PCDHGB1: variants seen among roughly 807,000 people sequenced by gnomAD.
PCDHGB1 encodes the protein protocadherin gamma subfamily B, 1.
Under a neutral mutation model 56.6 loss-of-function variants are expected in PCDHGB1, and 34 were observed. That is an observed-to-expected ratio of 0.60 (90% CI 0.46 to 0.80). PCDHGB1 has a LOEUF of 0.80. Ranked by LOEUF, PCDHGB1 falls within the 30% of genes least tolerant of loss-of-function variation. The probability of loss-of-function intolerance (pLI) is 0.00; values close to 1 mark genes in which losing one functional copy is unlikely to be tolerated. For synonymous variants in PCDHGB1, 561 were observed against 505.9 expected, an observed-to-expected ratio of 1.11 and a Z score of -1.46; for missense variants, 1,278 against 1,204.6, an observed-to-expected ratio of 1.06 and a Z score of -0.90.
chr5:141,464,048 T>C (rs377735829), intron 1 of PCDHGB1, among the ~76,000 whole-genome samples: 1 of 152,260 alleles, frequency 6.6e-6, no homozygotes, highest in South Asian at 2.1e-4. Context: ...GTGGATCACC[T>C]GAGGTCAGGA....
intron 1 of PCDHGB1, chr5:141,428,335 T>G (rs535486665): frequency 3.3e-6 from 2 of 615,106 alleles, no homozygotes; most frequent in East Asian, 5.9e-5. Context: ...TTCTATGCTC[T>G]TCTTCCTCGC....
chr5:141,374,723 G>T (rs771753373), intron 1 of PCDHGB1: 1 of 1,609,998 alleles, frequency 6.2e-7, no homozygotes, highest in South Asian at 1.1e-5. Context: ...GGTCCTTACT[G>T]CCATGGATGG....
At position 141,389,566 on chromosome 5, in the gene PCDHGB1, T is replaced by A. The variant is rs757362223; in HGVS notation, c.2409+36897T>A. On this transcript the variant is annotated intron_variant, in intron 1 of 3. Transcript: ENST00000523390. ...CGCAACGACAATGCGCCACGGGTGC[T>A]GTACCCCGCGCTGGGTCCCGACGGC... The A allele has an allele frequency of 3.2e-5, 52 of 1,613,278 alleles. No homozygotes were observed. The Middle Eastern group carries it at 6.6e-4, about 21-fold the overall frequency.
chr5:141,425,836 C>T (rs568578402), intron 1 of PCDHGB1, among the ~76,000 whole-genome samples: 1 of 152,344 alleles, frequency 6.6e-6, no homozygotes, highest in East Asian at 1.9e-4. Context: ...TTTAAATTCT[C>T]TTTGCTGGGT....
chr5:141,421,515 C>A, intron 1 of PCDHGB1: 3 of 1,614,080 alleles, frequency 1.9e-6, no homozygotes, highest in Non-Finnish European at 2.5e-6. Context: ...GGGAGGAGCT[C>A]TGTGAGACGG....
chr5:141,449,804 T>C (rs991937787), intron 1 of PCDHGB1, among the ~76,000 whole-genome samples: 2 of 151,676 alleles, frequency 1.3e-5, no homozygotes, highest in Non-Finnish European at 2.9e-5. Flanking sequence ...AAATACCTCA[T>C]TGTGTATTTC....
intron 1 of PCDHGB1, chr5:141,418,530 G>A (rs370822103): frequency 5.0e-6 from 8 of 1,613,834 alleles, no homozygotes; most frequent in Non-Finnish European, 6.8e-6. Context: ...CCCCGAAGCG[G>A]TACTGCTCAG....
At position 141,352,649 on chromosome 5, in the gene PCDHGB1, G is replaced by T; in HGVS notation, c.2389G>T (p.Asp797Tyr). 1 of 1,604,100 alleles carries T rather than the reference G, an allele frequency of 6.2e-7. No individual in the cohort carries two copies. The highest frequency in any genetic ancestry group is 1.1e-5 in the South Asian group (1 of 90,010). Residue 797 changes from aspartate (D) to tyrosine (Y), a missense_variant, in exon 1 of 4, where the codon GAC (aspartate) becomes TAC (tyrosine). Physicochemically the swap from Asp to Tyr is radical, Grantham distance 160. Transcript: ENST00000523390. Reference protein sequence around the residue: ...ASNEDHKIAYDPSLSSHQAPP... With the variant: ...ASNEDHKIAYYPSLSSHQAPP... ...TAATGAAGATCACAAAATCGCTTAT[G>T]ACCCTTCTTTGTCTTCGCACGTGAG...
intron 1 of PCDHGB1, chr5:141,396,003 T>G (rs749303972): frequency 2.0e-5 from 3 of 152,232 alleles, no homozygotes; most frequent in Admixed American, 6.5e-5. Flanking sequence ...TTTAAACTGT[T>G]GAAAGTGACT....
At chr5:141,355,881 G>T (rs1338727421) in intron 1 of PCDHGB1, 18 of 1,613,360 alleles carry the variant, frequency 1.1e-5, no homozygotes, top group Non-Finnish European at 1.5e-5. Context: ...GCACTGCCAG[G>T]ATTCTCATAA....
At chr5:141,421,318 C>A (rs370020854) in intron 1 of PCDHGB1, 1 of 1,613,822 alleles carries the variant, frequency 6.2e-7, no homozygotes. Context: ...CCGGGCCAGG[C>A]AGATCCGATA....
At chr5:141,384,650 C>G (rs1213467381) in intron 1 of PCDHGB1, 4 of 1,614,222 alleles carry the variant, frequency 2.5e-6, no homozygotes, top group Non-Finnish European at 3.4e-6. Context: ...TCCGCAGAGC[C>G]CGGCTACCTG....
At chr5:141,392,799 T>A in intron 1 of PCDHGB1, 1 of 1,570,210 alleles carries the variant, frequency 6.4e-7, no homozygotes, top group Non-Finnish European at 8.6e-7. Flanking sequence ...GAGAGGATTC[T>A]GCAGCAAAAC....
chr5:141,434,838 A>G (rs1363952147), intron 1 of PCDHGB1, among the ~76,000 whole-genome samples: 1 of 152,022 alleles, frequency 6.6e-6, no homozygotes, highest in Non-Finnish European at 1.5e-5. Context: ...GGCATTTATA[A>G]AGCAGACATC....
intron 1 of PCDHGB1, chr5:141,370,659 C>A: frequency 6.2e-7 from 1 of 1,613,780 alleles, no homozygotes; most frequent in Admixed American, 1.7e-5. Context: ...TGTGAGCGAC[C>A]GTATAGACCG....
rs1419985074 is a variant in PCDHGB1, at chr5:141,431,009, T to C, written c.2410-63798T>C. On this transcript the variant is annotated intron_variant, in intron 1 of 3. Transcript: ENST00000523390. The surrounding 1 kb of genome is among the most constrained non-coding windows in gnomAD (Gnocchi z 4.8). ...CGCCCTGAATCCGCGCAGCGGCAGC[T>C]TGGTCACGGCGGGCAGGATAGACCG... The C allele has an allele frequency of 3.7e-6, 6 of 1,613,884 alleles. No individual in the cohort carries two copies. Among genetic ancestry groups the C allele is most frequent in the Non-Finnish European group, 5.1e-6 (6 of 1,179,984 alleles).
intron 1 of PCDHGB1, chr5:141,374,783 G>A: frequency 6.2e-7 from 1 of 1,613,908 alleles, no homozygotes; most frequent in Non-Finnish European, 8.5e-7. Flanking sequence ...AACAGTTCTA[G>A]ATGTGAATGA....
intron 1 of PCDHGB1, chr5:141,393,135 A>T: frequency 6.2e-7 from 1 of 1,613,294 alleles, no homozygotes; most frequent in Non-Finnish European, 8.5e-7. Context: ...AAATATTAAC[A>T]CCCTGGTTGA....
At chr5:141,398,149 C>T (rs761559295) in intron 1 of PCDHGB1, 29 of 1,497,086 alleles carry the variant, frequency 1.9e-5, no homozygotes, top group Non-Finnish European at 2.6e-5. Context: ...CGCCGGGGAG[C>T]TGGGCCGGGC....
Sources: allele counts gnomAD v4.1 joint callset (sites outside exome capture counted in the v4.1 genomes callset), GRCh38; gene constraint gnomAD v4.1.1; non-coding constraint Gnocchi (gnomAD v3.1); transcripts MANE v1.5; gene names NCBI Gene and HGNC (gene_info 2026-07-23, HGNC 2026-07-21).